SPTLC2: variants seen among roughly 807,000 people sequenced by gnomAD.
The protein encoded by SPTLC2 is serine palmitoyltransferase 2.
SPTLC2 carries 21 observed loss-of-function variants against 62.0 expected under a neutral mutation model. The ratio of observed to expected loss-of-function variants is 0.34; its 90% CI spans 0.24 to 0.49. SPTLC2 has a LOEUF of 0.49. Among genes scored for constraint, SPTLC2 ranks in the 20% least tolerant of loss-of-function variants. SPTLC2 has a pLI of 0.99. For missense variants in SPTLC2, 511 were observed against 713.0 expected, an observed-to-expected ratio of 0.72 and a Z score of 3.23; for synonymous variants, 261 against 261.8, an observed-to-expected ratio of 1.00 and a Z score of 0.03.
At chr14:77,588,048 C>T (rs2079792628) in intron 2 of SPTLC2, among the ~76,000 whole-genome samples, 1 of 152,072 alleles carries the variant, frequency 6.6e-6, no homozygotes, top group South Asian at 2.1e-4. Context: ...TATCTCCCCA[C>T]CTCAGCCTCT....
chr14:77,584,582 C>T (rs920858262), intron 2 of SPTLC2, among the ~76,000 whole-genome samples: 12 of 152,190 alleles, frequency 7.9e-5, no homozygotes, highest in Admixed American at 6.5e-4. Context: ...AGAGGCAGAG[C>T]CAGGAACTGA....
At chr14:77,533,255 G>A (rs2079450323) in intron 9 of SPTLC2, among the ~76,000 whole-genome samples, 1 of 148,012 alleles carries the variant, frequency 6.8e-6, no homozygotes, top group Non-Finnish European at 1.5e-5. Context: ...AGCCAAGACT[G>A]TGCCATTGCA....
At chr14:77,575,125 G>A (rs55768728) in intron 4 of SPTLC2, among the ~76,000 whole-genome samples, 11 of 152,276 alleles carry the variant, frequency 7.2e-5, no homozygotes, top group African/African-American at 2.6e-4. Context: ...AGGAGGCTGA[G>A]GTGGGAGGAT....
intron 1 of SPTLC2, among the ~76,000 whole-genome samples, chr14:77,600,491 A>G (rs1012699241): frequency 2.6e-5 from 4 of 152,240 alleles, no homozygotes; most frequent in Non-Finnish European, 2.9e-5. Context: ...CACATGATTC[A>G]AACAATAATG....
At chr14:77,524,377 C>A (rs2079398898) in intron 9 of SPTLC2, among the ~76,000 whole-genome samples, 1 of 151,356 alleles carries the variant, frequency 6.6e-6, no homozygotes, top group Non-Finnish European at 1.5e-5. Flanking sequence ...TGCCCAGCCA[C>A]CACCTTTAAA....
chr14:77,605,146 A>G (rs1293174435), intron 1 of SPTLC2, among the ~76,000 whole-genome samples: 1 of 151,638 alleles, frequency 6.6e-6, no homozygotes, highest in Non-Finnish European at 1.5e-5. Flanking sequence ...AGAGTAGCTG[A>G]GACTATACAA....
In SPTLC2 at chr14:77,606,373, C is replaced by CTGTGTGTGTGTGTGTG. The variant is rs59065946; in HGVS notation, c.133-9009_133-8994dup. ...TTTTGCTTTCCCAGGAGGGAGGGGA[C>CTGTGTGTGTGTGTGTG]TGTGTGTGTGTGTGTGTGTGTGTGT... On this transcript the variant is annotated intron_variant, in intron 1 of 11. Transcript: ENST00000216484. 8.5e-3 allele frequency among the ~76,000 whole-genome samples: 1,268 copies of CTGTGTGTGTGTGTGTG among 148,324 alleles called. 24 individuals are homozygous for CTGTGTGTGTGTGTGTG. Among genetic ancestry groups the CTGTGTGTGTGTGTGTG allele is most frequent in the African/African-American group, 0.03 (1,192 of 40,010 alleles).
intron 1 of SPTLC2, among the ~76,000 whole-genome samples, chr14:77,607,292 G>C (rs2079910416): frequency 6.6e-6 from 1 of 151,514 alleles, no homozygotes; most frequent in African/African-American, 2.4e-5. Flanking sequence ...TTTGTCAACA[G>C]TCATGGGAAA....
At chr14:77,565,609 C>T (rs1479827068) in intron 5 of SPTLC2, among the ~76,000 whole-genome samples, 2 of 152,094 alleles carry the variant, frequency 1.3e-5, no homozygotes, top group African/African-American at 4.8e-5. Context: ...AGACATTCTA[C>T]AAAATAAGGG....
chr14:77,532,678 G>A (rs2079446685), intron 9 of SPTLC2, among the ~76,000 whole-genome samples: 1 of 152,026 alleles, frequency 6.6e-6, no homozygotes, highest in South Asian at 2.1e-4. Context: ...CAGCTACTCG[G>A]GAGGCTGAGG....
intron 9 of SPTLC2, among the ~76,000 whole-genome samples, chr14:77,531,141 T>C (rs2079436427): frequency 6.6e-6 from 1 of 152,218 alleles, no homozygotes; most frequent in African/African-American, 2.4e-5. Context: ...GAGGGCACCC[T>C]GCAAAATTTC....
intron 2 of SPTLC2, among the ~76,000 whole-genome samples, chr14:77,592,256 T>A (rs2079821996): frequency 6.6e-6 from 1 of 151,944 alleles, no homozygotes; most frequent in African/African-American, 2.4e-5. Flanking sequence ...TGCCTCAGCC[T>A]CCCAAGTAGC....
intron 4 of SPTLC2, among the ~76,000 whole-genome samples, chr14:77,571,910 C>T (rs1376873974): frequency 6.6e-6 from 1 of 152,102 alleles, no homozygotes; most frequent in Non-Finnish European, 1.5e-5. Context: ...CCTGCTTCAG[C>T]CTCCCAAGTA....
chr14:77,528,670 G>A (rs553059252), intron 9 of SPTLC2, among the ~76,000 whole-genome samples: 2 of 152,228 alleles, frequency 1.3e-5, no homozygotes, highest in African/African-American at 4.8e-5. Context: ...ACATAAAGCA[G>A]GATAAAATAT....
chr14:77,590,499 T>C (rs1186073379), intron 2 of SPTLC2, among the ~76,000 whole-genome samples: 3 of 152,092 alleles, frequency 2.0e-5, no homozygotes, highest in Non-Finnish European at 2.9e-5. Flanking sequence ...TAGATAAACA[T>C]GAGCCCAGGA....
chr14:77,584,871 A>C (rs1027850260), intron 2 of SPTLC2, among the ~76,000 whole-genome samples: 2 of 152,230 alleles, frequency 1.3e-5, no homozygotes, highest in African/African-American at 4.8e-5. Context: ...CGGGTTGCGG[A>C]TGTGATGTAG....
At chr14:77,590,091 T>G (rs1464747046) in intron 2 of SPTLC2, among the ~76,000 whole-genome samples, 1 of 151,806 alleles carries the variant, frequency 6.6e-6, no homozygotes, top group Non-Finnish European at 1.5e-5. Context: ...TCCTCCCACC[T>G]CAGTCTCCCA....
chr14:77,512,065 AC>A lies in SPTLC2; in HGVS notation c.*218del, dbSNP rs1222378480. 6.6e-6 allele frequency: 4 copies of A among 603,778 alleles called. No homozygotes were observed. The highest frequency in any genetic ancestry group is 1.2e-5 in the Non-Finnish European group (4 of 346,622). The allele number at this position is 603,778 out of a possible 1,614,324, so 37.4% of individuals were successfully genotyped here. A position where few individuals can be genotyped will look rare whatever the true frequency, so the allele number is the denominator to read the frequency against. ...ATGGACTGAAAAAGCAAAGTGAGTC[AC>A]CTTCGTTTTTAAAGGTGAGATTTAG... On this transcript the variant is annotated 3_prime_UTR_variant, in exon 12 of 12. Transcript: ENST00000216484.
At chr14:77,554,936 GCTATTCCCA>G in intron 8 of SPTLC2, 1 of 332,016 alleles carries the variant, frequency 3.0e-6, no homozygotes, top group South Asian at 2.7e-5. Context: ...AAGGTGACCT[GCTATTCCCA>G]TGGGCTCCCA....
Sources: allele counts gnomAD v4.1 joint callset (sites outside exome capture counted in the v4.1 genomes callset), GRCh38; gene constraint gnomAD v4.1.1; transcripts MANE v1.5; gene names NCBI Gene and HGNC (gene_info 2026-07-23, HGNC 2026-07-21).